Variants in TNS3 observed in about 807,000 individuals in gnomAD.
TNS3 encodes the protein tensin-3.
Under a neutral mutation model 140.9 loss-of-function variants are expected in TNS3, and 45 were observed. That is an observed-to-expected ratio of 0.32 (90% CI 0.25 to 0.41). The LOEUF is 0.41. TNS3 is among the 10% of genes least tolerant of loss of function. The probability of loss-of-function intolerance (pLI) is 1.00; values close to 1 mark genes in which losing one functional copy is unlikely to be tolerated. For synonymous variants in TNS3, 815 were observed against 788.4 expected, an observed-to-expected ratio of 1.03 and a Z score of -0.56; for missense variants, 1,716 against 1,906.7, an observed-to-expected ratio of 0.90 and a Z score of 1.86.
intron 10 of TNS3, among the ~76,000 whole-genome samples, chr7:47,418,887 C>T (rs1367906252): frequency 6.6e-6 from 1 of 152,236 alleles, no homozygotes; most frequent in Admixed American, 6.5e-5. Flanking sequence ...TCAAATGTTA[C>T]TTTTTCCAAG....
intron 3 of TNS3, among the ~76,000 whole-genome samples, chr7:47,487,237 G>A (rs1487171425): frequency 2.0e-5 from 3 of 151,714 alleles, no homozygotes; most frequent in Non-Finnish European, 2.9e-5. Flanking sequence ...AGGTTGCAGT[G>A]AGCTGGGATC....
intron 17 of TNS3, among the ~76,000 whole-genome samples, chr7:47,357,877 A>G (rs1408685782): frequency 6.6e-6 from 1 of 152,198 alleles, no homozygotes; most frequent in East Asian, 1.9e-4. Context: ...AAGGGAAATG[A>G]TACGTCCACA....
intron 1 of TNS3, among the ~76,000 whole-genome samples, chr7:47,536,727 G>A (rs1372739933): frequency 6.6e-6 from 1 of 152,112 alleles, no homozygotes; most frequent in East Asian, 1.9e-4. Context: ...CTTGTCCTGC[G>A]CGTGCACACA....
chr7:47,426,254 C>T (rs1012581983), intron 9 of TNS3, among the ~76,000 whole-genome samples: 1 of 152,104 alleles, frequency 6.6e-6, no homozygotes, highest in Non-Finnish European at 1.5e-5. Flanking sequence ...TGCACTCCAG[C>T]CCCGGCAACA....
chr7:47,557,420 T>C (rs1252778251), intron 1 of TNS3, among the ~76,000 whole-genome samples: 4 of 151,992 alleles, frequency 2.6e-5, no homozygotes, highest in African/African-American at 9.7e-5. Flanking sequence ...ATCTAGGGGG[T>C]GCTATCTTTT....
chr7:47,582,580 G>T (rs1784562234), upstream of TNS3: 3 of 425,138 alleles, frequency 7.1e-6, no homozygotes, highest in Middle Eastern at 6.9e-4. Flanking sequence ...GAGCACAGCC[G>T]CTCCGGAAAG....
intron 28 of TNS3, among the ~76,000 whole-genome samples, chr7:47,281,524 T>C (rs1361660399): frequency 6.6e-6 from 1 of 152,188 alleles, no homozygotes; most frequent in Non-Finnish European, 1.5e-5. Context: ...TGGGTGTGCT[T>C]CAATTCAAGG....
At chr7:47,554,775 AATCCCAGC>A (rs1425466958) in intron 1 of TNS3, among the ~76,000 whole-genome samples, 1 of 152,232 alleles carries the variant, frequency 6.6e-6, no homozygotes, top group East Asian at 1.9e-4. Flanking sequence ...TCACACCTGT[AATCCCAGC>A]ATTTTGGGAG....
intron 16 of TNS3, among the ~76,000 whole-genome samples, chr7:47,377,488 A>G (rs1791468008): frequency 6.6e-6 from 1 of 152,186 alleles, no homozygotes; most frequent in South Asian, 2.1e-4. Context: ...TGGGCAATAG[A>G]AATATTTGCG....
intron 16 of TNS3, among the ~76,000 whole-genome samples, chr7:47,388,393 G>A (rs528417028): frequency 6.6e-6 from 1 of 152,322 alleles, no homozygotes; most frequent in South Asian, 2.1e-4. Context: ...GTCCCCATAG[G>A]TGGGAATTAG....
At chr7:47,337,869 C>T (rs1788721947) in intron 20 of TNS3, among the ~76,000 whole-genome samples, 1 of 152,236 alleles carries the variant, frequency 6.6e-6, no homozygotes, top group Admixed American at 6.5e-5. Context: ...TCCCCTTCTA[C>T]TCTTGCCCCT....
In TNS3 at chr7:47,278,201, G is replaced by A. The variant is rs996828355; in HGVS notation, c.4213C>T (p.Arg1405Trp). The A allele has an allele frequency of 2.5e-6, 4 of 1,613,842 alleles. No individual in the cohort carries two copies. The highest frequency in any genetic ancestry group is 3.3e-5 in the Admixed American group (2 of 59,976). ...TTATCCGTGGCACTGCCCTGCTTCCGGGCCACAAATCCAAAGACTCTGCCA... is the reference window on the plus strand; with the variant it reads ...TTATCCGTGGCACTGCCCTGCTTCCAGGCCACAAATCCAAAGACTCTGCCA... ...PSSKVFGFVA[R>W]KQGSATDNVC... Residue 1405 changes from arginine (R) to tryptophan (W), a missense_variant, in exon 31 of 31, where the codon CGG (arginine) becomes TGG (tryptophan). By Grantham distance (101) the Arg-to-Trp change is moderately radical. Transcript: ENST00000311160.
chr7:47,366,536 C>T (rs1057485525), intron 17 of TNS3, among the ~76,000 whole-genome samples: 76 of 152,288 alleles, frequency 5.0e-4, no homozygotes, highest in African/African-American at 1.4e-3. Context: ...TACCCACTTG[C>T]ATCACTCAGG....
intron 10 of TNS3, among the ~76,000 whole-genome samples, chr7:47,421,540 C>T (rs1383138807): frequency 1.3e-5 from 2 of 151,790 alleles, no homozygotes; most frequent in Non-Finnish European, 2.9e-5. Flanking sequence ...CCCAAAGAAT[C>T]GGGATTACAG....
chr7:47,546,640 T>A lies in TNS3; in HGVS notation c.-264-17493A>T, dbSNP rs981982190. Among the ~76,000 whole-genome samples the A allele has an allele frequency of 6.7e-5, 10 of 150,010 alleles. No individual in the cohort carries two copies. In the South Asian group the frequency reaches 2.1e-3, roughly 32 times the overall value. On this transcript the variant is annotated intron_variant, in intron 1 of 30. Coordinates refer to ENST00000311160, the MANE Select transcript of TNS3 (RefSeq NM_022748.12). ...TCACAATCCTCTTATCCTCCTTATTTAAAAAAAAAAGTTTTTAAATGTTAT... is the reference window on the plus strand; with the variant it reads ...TCACAATCCTCTTATCCTCCTTATTAAAAAAAAAAAGTTTTTAAATGTTAT...
In TNS3 at chr7:47,303,246, G is replaced by T. The variant is rs61731307; in HGVS notation, c.3161C>A (p.Pro1054Gln). ...SHGASPTPSI[P>Q]LTATGAADNG... The stretch of plus-strand genomic sequence containing the variant: ...GTCGGCAGCCCCTGTCGCTGTCAGC[G>T]GGATGCTGGGGGTCGGTGACGCTCC... The change falls in exon 22 of 31, where the codon CCG (proline) becomes CAG (glutamine). Residue 1054 changes from proline (P) to glutamine (Q), a missense_variant. Around this residue, in one of 3 missense-constraint regions of TNS3, gnomAD observed 1,163 missense variants for 1,182.1 expected, o/e 0.98. Transcript: ENST00000311160. The T allele has an allele frequency of 3.5e-3, 5,637 of 1,613,720 alleles. 164 individuals carry two copies. The African/African-American group carries it at 0.065, about 18-fold the overall frequency.
In TNS3 at chr7:47,495,031, A is replaced by G. The variant is rs373508714; in HGVS notation, c.-115+11876T>C. On this transcript the variant is annotated intron_variant, in intron 3 of 30. Transcript: ENST00000311160. ...GAAGTAGCCCCACAAAAATAAAGCCAGCGGTTTGATTAGAAACGTTCTTCT... is the reference window on the plus strand; with the variant it reads ...GAAGTAGCCCCACAAAAATAAAGCCGGCGGTTTGATTAGAAACGTTCTTCT... Among the ~76,000 whole-genome samples, 8 of 152,156 alleles carry G rather than the reference A, an allele frequency of 5.3e-5. No individual in the cohort carries two copies. In the East Asian group the frequency reaches 1.6e-3, roughly 30 times the overall value.
intron 4 of TNS3, among the ~76,000 whole-genome samples, chr7:47,444,550 AGGCGG>A (rs1316302843): frequency 6.6e-6 from 1 of 152,208 alleles, no homozygotes; most frequent in Non-Finnish European, 1.5e-5. Context: ...ACCGTCCCTC[AGGCGG>A]GGCCCTGACG....
chr7:47,507,300 A>C (rs888666751), intron 2 of TNS3, among the ~76,000 whole-genome samples: 12 of 152,172 alleles, frequency 7.9e-5, no homozygotes, highest in Non-Finnish European at 1.2e-4. Flanking sequence ...CCTAAAGAAG[A>C]ATAGTGAATT....
Sources: allele counts gnomAD v4.1 joint callset (sites outside exome capture counted in the v4.1 genomes callset), GRCh38; gene constraint gnomAD v4.1.1; regional missense constraint gnomAD v4.1.1; transcripts MANE v1.5; gene names NCBI Gene and HGNC (gene_info 2026-07-23, HGNC 2026-07-21).